STRN3: variants seen among roughly 807,000 people sequenced by gnomAD.
STRN3 encodes striatin 3.
STRN3 carries 29 observed loss-of-function variants against 95.6 expected under a neutral mutation model. The ratio of observed to expected loss-of-function variants is 0.30; its 90% CI spans 0.23 to 0.41. STRN3 has a LOEUF of 0.41. STRN3 is among the 10% of genes least tolerant of loss of function. The pLI is 1.00. For missense variants in STRN3, 890 were observed against 972.1 expected (o/e 0.92, Z 1.12); for synonymous variants, 331 against 357.6 (o/e 0.93, Z 0.84).
At chr14:31,018,125 C>T (rs1002478333) in intron 1 of STRN3, among the ~76,000 whole-genome samples, 1 of 134,212 alleles carries the variant, frequency 7.5e-6, no homozygotes, top group African/African-American at 2.9e-5. Flanking sequence ...AAATTTAAAA[C>T]CATTTTGTTA....
chr14:31,012,917 A>C (rs567447040), intron 1 of STRN3, among the ~76,000 whole-genome samples: 1 of 151,272 alleles, frequency 6.6e-6, no homozygotes, highest in South Asian at 2.1e-4. Flanking sequence ...AAAAGTAAGG[A>C]TGCTCTCTAT....
At chr14:30,966,690 G>A (rs1257779012) in intron 1 of STRN3, among the ~76,000 whole-genome samples, 2 of 152,278 alleles carry the variant, frequency 1.3e-5, no homozygotes, top group African/African-American at 4.8e-5. Context: ...AAATGTGTGC[G>A]TGCGTGAATG....
Position 30,932,887 on chromosome 14 carries a change from T to C in STRN3, c.988+2276A>G, listed in dbSNP as rs1466879083. On this transcript the variant is annotated intron_variant, in intron 7 of 17. Coordinates refer to ENST00000357479, the MANE Select transcript of STRN3 (RefSeq NM_001083893.2). ...GATATTTGATAAGTTATTTCGATCA[T>C]TTTCTTTTTAATGAAAATAAGCTAA... Among the ~76,000 whole-genome samples the C allele has an allele frequency of 5.9e-5, 9 of 152,216 alleles. No individual in the cohort carries two copies. The East Asian group carries it at 1.5e-3, about 26-fold the overall frequency.
chr14:30,979,229 T>C (rs1881267505), intron 1 of STRN3, among the ~76,000 whole-genome samples: 1 of 151,866 alleles, frequency 6.6e-6, no homozygotes, highest in Non-Finnish European at 1.5e-5. Flanking sequence ...GGAAGAAAAC[T>C]ACAAAAAACT....
intron 15 of STRN3, among the ~76,000 whole-genome samples, chr14:30,905,060 T>C (rs1003967794): frequency 6.6e-6 from 1 of 151,880 alleles, no homozygotes; most frequent in African/African-American, 2.4e-5. Flanking sequence ...ATAAATCTTA[T>C]GTGATCCCTA....
chr14:30,973,128 G>C (rs1253332163), intron 1 of STRN3, among the ~76,000 whole-genome samples: 1 of 152,096 alleles, frequency 6.6e-6, no homozygotes, highest in African/African-American at 2.4e-5. Flanking sequence ...AGAATCACTT[G>C]TACCCTGGAG....
rs1158189545 is a variant in STRN3 at position 30,911,038 on chromosome 14, T to C, written c.1720+3A>G. The C allele has an allele frequency of 5.0e-6, 8 of 1,607,334 alleles. No homozygotes were observed. Among genetic ancestry groups the C allele is most frequent in the Admixed American group, 1.7e-5 (1 of 58,498 alleles). On this transcript the variant is annotated splice_donor_region_variant and intron_variant, in intron 13 of 17. Coordinates refer to ENST00000357479, the MANE Select transcript of STRN3 (RefSeq NM_001083893.2). ...AAAAATACATTTTGATCATTTTACTTACCATATGTATCATATGGATCTACA... is the reference window on the plus strand; with the variant it reads ...AAAAATACATTTTGATCATTTTACTCACCATATGTATCATATGGATCTACA...
chr14:30,908,147 T>A (rs903123716), intron 13 of STRN3, among the ~76,000 whole-genome samples: 9 of 149,560 alleles, frequency 6.0e-5, no homozygotes, highest in African/African-American at 2.3e-4. Flanking sequence ...CTTGCTGTAA[T>A]GTTTACTGCT....
chr14:30,938,085 ATTTTT>A (rs1174856560), intron 5 of STRN3, among the ~76,000 whole-genome samples: 1 of 149,500 alleles, frequency 6.7e-6, no homozygotes, highest in Non-Finnish European at 1.5e-5. Context: ...GTATTATTTT[ATTTTT>A]TAATTGTCGT....
intron 10 of STRN3, among the ~76,000 whole-genome samples, chr14:30,913,001 C>T (rs1008111281): frequency 6.6e-6 from 1 of 152,052 alleles, no homozygotes; most frequent in African/African-American, 2.4e-5. Flanking sequence ...AAATCCAAGA[C>T]AAGTTTCACC....
At chr14:30,914,540 A>G (rs866787572) in intron 9 of STRN3, among the ~76,000 whole-genome samples, 1 of 151,978 alleles carries the variant, frequency 6.6e-6, no homozygotes, top group South Asian at 2.1e-4. Context: ...TTTAGTAGAG[A>G]TGGGCTTTCA....
chr14:30,968,724 A>G (rs1421464393), intron 1 of STRN3, among the ~76,000 whole-genome samples: 4 of 150,038 alleles, frequency 2.7e-5, no homozygotes, highest in African/African-American at 9.8e-5. Context: ...AAGTTGAGGC[A>G]TGTCTAAGAA....
intron 1 of STRN3, among the ~76,000 whole-genome samples, chr14:31,013,105 TAAC>T (rs1594583216): frequency 1.3e-5 from 2 of 149,592 alleles, no homozygotes; most frequent in East Asian, 4.0e-4. Context: ...ACAAAACAGT[TAAC>T]AACAACAAAA....
At chr14:30,966,024 A>C (rs1221226969) in intron 1 of STRN3, among the ~76,000 whole-genome samples, 1 of 152,080 alleles carries the variant, frequency 6.6e-6, no homozygotes, top group Non-Finnish European at 1.5e-5. Context: ...TCTACATTCC[A>C]ATCACCTGCT....
At chr14:30,978,538 C>T (rs1483621476) in intron 1 of STRN3, among the ~76,000 whole-genome samples, 1 of 152,118 alleles carries the variant, frequency 6.6e-6, no homozygotes, top group Non-Finnish European at 1.5e-5. Context: ...AGATGCTTTT[C>T]CCCCTAAGAC....
chr14:31,023,364 T>C (rs1026021759), intron 1 of STRN3, among the ~76,000 whole-genome samples: 1 of 152,198 alleles, frequency 6.6e-6, no homozygotes, highest in African/African-American at 2.4e-5. Flanking sequence ...TAAGATGTGA[T>C]CCTTTAGTTT....
intron 2 of STRN3, 112 bp from the exon 3 acceptor site, chr14:30,955,805 G>T: frequency 1.1e-6 from 1 of 931,072 alleles, no homozygotes; most frequent in Non-Finnish European, 1.5e-6. Context: ...TTTAAACTTT[G>T]TTTGCAAAGA....
intron 7 of STRN3, among the ~76,000 whole-genome samples, chr14:30,929,963 A>AAAAAAAAAAAAAAAAAC (rs1878420314): frequency 6.8e-6 from 1 of 147,428 alleles, no homozygotes; most frequent in African/African-American, 2.5e-5. Flanking sequence ...GCAAAAAAAA[A>AAAAAAAAAAAAAAAAAC]AAAAAAAAAA....
chr14:30,923,722 C>T (rs927631442), intron 8 of STRN3, among the ~76,000 whole-genome samples: 7 of 151,972 alleles, frequency 4.6e-5, no homozygotes, highest in East Asian at 1.9e-4. Flanking sequence ...TAACAACAGG[C>T]TATAAGAATA....
Sources: allele counts gnomAD v4.1 joint callset (sites outside exome capture counted in the v4.1 genomes callset), GRCh38; gene constraint gnomAD v4.1.1; transcripts MANE v1.5; gene names NCBI Gene and HGNC (gene_info 2026-07-23, HGNC 2026-07-21).